Variants in KCNJ6 observed in about 807,000 individuals in gnomAD.
KCNJ6 encodes the protein potassium inwardly rectifying channel subfamily J member 6.
In KCNJ6, 9 loss-of-function variants were observed where a neutral mutation model predicts 34.2. The ratio of observed to expected loss-of-function variants is 0.26; its 90% CI spans 0.16 to 0.46. The LOEUF is 0.46. KCNJ6 is among the 20% of genes least tolerant of loss of function. The probability of loss-of-function intolerance (pLI) is 1.00; values close to 1 mark genes in which losing one functional copy is unlikely to be tolerated. For missense variants in KCNJ6, 236 were observed against 531.3 expected (o/e 0.44, Z 5.46); for synonymous variants, 196 against 207.1 (o/e 0.95, Z 0.46).
chr21:37,669,339 C>T (rs914677910), intron 3 of KCNJ6, among the ~76,000 whole-genome samples: 1 of 152,214 alleles, frequency 6.6e-6, no homozygotes, highest in Non-Finnish European at 1.5e-5. Context: ...ACCTTGGGCA[C>T]ATGTTCTCCG....
intron 1 of KCNJ6, among the ~76,000 whole-genome samples, chr21:37,846,965 T>G (rs1453163635): frequency 1.3e-5 from 2 of 152,136 alleles, no homozygotes; most frequent in African/African-American, 2.4e-5. Flanking sequence ...CATCCTCAGA[T>G]AGCCAAGCAA....
intron 3 of KCNJ6, among the ~76,000 whole-genome samples, chr21:37,713,402 T>C (rs370117679): frequency 6.6e-5 from 10 of 152,304 alleles, no homozygotes; most frequent in African/African-American, 2.4e-4. Flanking sequence ...TATGGTTATC[T>C]TGAGTCCTAG....
chr21:37,682,338 A>G lies in KCNJ6; in HGVS notation c.946+31873T>C, dbSNP rs570312368. On this transcript the variant is annotated intron_variant, in intron 3 of 3. Coordinates refer to ENST00000609713, the MANE Select transcript of KCNJ6 (RefSeq NM_002240.5). ...AGGCTGGTCATTTGGAACAAAATGC[A>G]AGCTGACTGCCCAGCCGAGCCAGCA... is the stretch of plus-strand genomic sequence containing the variant. Among the ~76,000 whole-genome samples the G allele has an allele frequency of 2.6e-3, 393 of 152,352 alleles. 2 individuals carry two copies. Among genetic ancestry groups the G allele is most frequent in the African/African-American group, 8.9e-3 (372 of 41,584 alleles).
intron 3 of KCNJ6, among the ~76,000 whole-genome samples, chr21:37,656,358 G>T (rs1283366835): frequency 1.3e-5 from 2 of 152,170 alleles, no homozygotes; most frequent in East Asian, 3.9e-4. Context: ...GAATGCTAAG[G>T]GGCTGCCTTG....
At position 37,624,436 on chromosome 21, in the gene KCNJ6, C is replaced by T. The variant is rs1023009785; in HGVS notation, c.*723G>A. 6.6e-6 allele frequency: 1 copy of T among 152,030 alleles called. No homozygotes were observed. Among genetic ancestry groups the T allele is most frequent in the African/African-American group, 2.4e-5 (1 of 41,414 alleles). The allele number at this position is 152,030 out of a possible 1,614,324, so 9.4% of individuals were successfully genotyped here. ...AACCTGGAAAACACAGACATCAAAACAGAAATGCCTACTGCATGTTAGGAA... is the reference window on the plus strand; with the variant it reads ...AACCTGGAAAACACAGACATCAAAATAGAAATGCCTACTGCATGTTAGGAA... On this transcript the variant is annotated 3_prime_UTR_variant, in exon 4 of 4. Coordinates refer to ENST00000609713, the MANE Select transcript of KCNJ6 (RefSeq NM_002240.5).
intron 1 of KCNJ6, among the ~76,000 whole-genome samples, chr21:37,896,656 A>G (rs1477389296): frequency 6.6e-6 from 1 of 151,904 alleles, no homozygotes; most frequent in African/African-American, 2.4e-5. Context: ...CCTGGGGGAG[A>G]CTCAAGGGTG....
chr21:37,842,869 C>T (rs1026901509), intron 1 of KCNJ6, among the ~76,000 whole-genome samples: 4 of 152,194 alleles, frequency 2.6e-5, no homozygotes, highest in South Asian at 2.1e-4. Flanking sequence ...TCTGTCTCTG[C>T]GTGTCCTGTC....
Position 37,889,571 on chromosome 21 carries a change from G to A in KCNJ6, c.-28+26313C>T, listed in dbSNP as rs376161766. Among the ~76,000 whole-genome samples, 58 of 152,308 alleles carry A rather than the reference G, an allele frequency of 3.8e-4. 2 individuals carry two copies. In the East Asian group the frequency reaches 6.4e-3, roughly 17 times the overall value. On this transcript the variant is annotated intron_variant, in intron 1 of 3. Coordinates refer to ENST00000609713, the MANE Select transcript of KCNJ6 (RefSeq NM_002240.5). ...ATGACAAAGTACTACAACCTGGGTGGCTTTAACAACAAACATTCATTCTTT... is the reference window on the plus strand; with the variant it reads ...ATGACAAAGTACTACAACCTGGGTGACTTTAACAACAAACATTCATTCTTT...
chr21:37,646,117 T>A (rs1030120072), intron 3 of KCNJ6, among the ~76,000 whole-genome samples: 1 of 152,150 alleles, frequency 6.6e-6, no homozygotes, highest in Non-Finnish European at 1.5e-5. Context: ...TCAGTCCAAG[T>A]CTAGTTTTGA....
At chr21:37,690,780 T>C (rs2054635952) in intron 3 of KCNJ6, among the ~76,000 whole-genome samples, 1 of 133,650 alleles carries the variant, frequency 7.5e-6, no homozygotes, top group African/African-American at 3.2e-5. Context: ...TTTTTTCTTT[T>C]CTTTTTTTTT....
intron 2 of KCNJ6, among the ~76,000 whole-genome samples, chr21:37,762,315 C>T (rs1171014098): frequency 2.0e-5 from 3 of 152,174 alleles, no homozygotes; most frequent in East Asian, 1.9e-4. Context: ...TGGATGTAGA[C>T]GCTCAGCCCA....
chr21:37,677,794 A>ATCCATCCATCCATCCATCCAT (rs1601415414), intron 3 of KCNJ6, among the ~76,000 whole-genome samples: 1 of 139,126 alleles, frequency 7.2e-6, no homozygotes, highest in Non-Finnish European at 1.6e-5. Context: ...CCATCCACCC[A>ATCCATCCATCCATCCATCCAT]CCTATCCACC....
chr21:37,612,724 C>CAAAAAA lies in KCNJ6; in HGVS notation c.*12429_*12434dup, dbSNP rs3035306. Reference sequence around the variant, plus strand: ...AGCTGCACATTTGCACATCCACAGGCAAAAAAAAAAAAAAAAAAAAGAGTC... The same window carrying CAAAAAA: ...AGCTGCACATTTGCACATCCACAGGCAAAAAAAAAAAAAAAAAAAAAAAAAAGAGTC... On this transcript the variant is annotated 3_prime_UTR_variant, in exon 4 of 4. Transcript: ENST00000609713. 9.3e-6 allele frequency: 1 copy of CAAAAAA among 107,768 alleles called. No homozygotes were observed. Among genetic ancestry groups the CAAAAAA allele is most frequent in the Admixed American group, 9.1e-5 (1 of 10,968 alleles). The allele number at this position is 107,768 out of a possible 1,614,324, so 6.7% of individuals were successfully genotyped here. A position where few individuals can be genotyped will look rare whatever the true frequency, so the allele number is the denominator to read the frequency against.
chr21:37,763,122 T>C (rs2055073963), intron 2 of KCNJ6, among the ~76,000 whole-genome samples: 1 of 151,868 alleles, frequency 6.6e-6, no homozygotes, highest in Non-Finnish European at 1.5e-5. Context: ...AGGAGGAATT[T>C]TCCAAAGTTT....
At chr21:37,908,971 G>A (rs2055854687) in intron 1 of KCNJ6, among the ~76,000 whole-genome samples, 1 of 152,322 alleles carries the variant, frequency 6.6e-6, no homozygotes, top group South Asian at 2.1e-4. Flanking sequence ...AGCTGCTCTT[G>A]CAGTTAGGTA....
At chr21:37,792,285 C>G (rs114801224) in intron 2 of KCNJ6, among the ~76,000 whole-genome samples, 1 of 152,346 alleles carries the variant, frequency 6.6e-6, no homozygotes, top group African/African-American at 2.4e-5. Context: ...CTGCCCATCT[C>G]TAGTTCAGTG....
At chr21:37,856,955 C>T (rs951943544) in intron 1 of KCNJ6, among the ~76,000 whole-genome samples, 16 of 152,096 alleles carry the variant, frequency 1.1e-4, no homozygotes, top group African/African-American at 3.9e-4. Flanking sequence ...CGAATGGTAT[C>T]CCTAATATTT....
intron 1 of KCNJ6, among the ~76,000 whole-genome samples, chr21:37,906,692 C>T (rs1396443920): frequency 2.0e-5 from 3 of 152,174 alleles, no homozygotes; most frequent in Non-Finnish European, 2.9e-5. Context: ...CAACAGTGGC[C>T]AGTCAAGGAG....
chr21:37,670,366 G>T (rs1228591992), intron 3 of KCNJ6, among the ~76,000 whole-genome samples: 1 of 152,118 alleles, frequency 6.6e-6, no homozygotes, highest in Non-Finnish European at 1.5e-5. Context: ...ATTTCCATAT[G>T]AACTTGAGGA....
Sources: gnomAD v4.1 joint callset for allele counts (sites outside exome capture counted in the v4.1 genomes callset) on GRCh38, gnomAD v4.1.1 for gene constraint, MANE v1.5 for transcripts, NCBI Gene and HGNC (gene_info 2026-07-23, HGNC 2026-07-21) for gene names.